Variants in TTLL5 observed in about 807,000 individuals in gnomAD.
The protein encoded by TTLL5 is tubulin tyrosine ligase like 5, also known as tubulin polyglutamylase TTLL5.
Under a neutral mutation model 168.4 loss-of-function variants are expected in TTLL5, and 132 were observed. The observed-to-expected ratio is 0.78, with a 90% confidence interval of 0.68 to 0.91. The LOEUF is 0.91. Among genes scored for constraint, TTLL5 ranks in the 40% least tolerant of loss-of-function variants. TTLL5 has a pLI of 0.00. For missense variants in TTLL5, 1,545 were observed against 1,581.5 expected, an observed-to-expected ratio of 0.98 and a Z score of 0.39; for synonymous variants, 546 against 558.6, an observed-to-expected ratio of 0.98 and a Z score of 0.32.
At chr14:75,845,984 A>G (rs915587603) in intron 28 of TTLL5, among the ~76,000 whole-genome samples, 1 of 152,208 alleles carries the variant, frequency 6.6e-6, no homozygotes, top group African/African-American at 2.4e-5. Flanking sequence ...ATGAAAAAAA[A>G]TTAGGGGCTG....
intron 20 of TTLL5, among the ~76,000 whole-genome samples, chr14:75,766,860 G>A (rs1179942052): frequency 1.3e-5 from 2 of 152,068 alleles, no homozygotes; most frequent in Admixed American, 6.6e-5. Context: ...GTGCTAGGTA[G>A]AGGCAATAAA....
chr14:75,752,986 C>T, intron 18 of TTLL5, 31 bp downstream of exon 18: 1 of 1,587,870 alleles, frequency 6.3e-7, no homozygotes, highest in Non-Finnish European at 8.6e-7. Flanking sequence ...AAATTTAGGA[C>T]TAGATCACAA....
chr14:75,742,651 C>T (rs1305067493), intron 15 of TTLL5, among the ~76,000 whole-genome samples: 2 of 152,148 alleles, frequency 1.3e-5, no homozygotes, highest in Non-Finnish European at 2.9e-5. Flanking sequence ...CCGCCTTGGC[C>T]TCCCAAAGTG....
intron 31 of TTLL5, among the ~76,000 whole-genome samples, chr14:75,935,875 C>T (rs1040896442): frequency 1.3e-5 from 2 of 152,154 alleles, no homozygotes; most frequent in African/African-American, 4.8e-5. Context: ...ATACTTTTAA[C>T]TCCATAATCT....
chr14:75,884,486 T>C (rs1300652440), intron 30 of TTLL5, among the ~76,000 whole-genome samples: 3 of 152,232 alleles, frequency 2.0e-5, no homozygotes, highest in Non-Finnish European at 4.4e-5. Flanking sequence ...GACTTTGCTT[T>C]GCAGCATTTT....
chr14:75,838,159 G>A (rs902083553), intron 28 of TTLL5: 19 of 152,140 alleles, frequency 1.2e-4, no homozygotes, highest in African/African-American at 4.6e-4. Context: ...CCTTTGCACA[G>A]AGGCTCTGGT....
intron 29 of TTLL5, among the ~76,000 whole-genome samples, chr14:75,866,030 G>A (rs2030488306): frequency 6.6e-6 from 1 of 152,170 alleles, no homozygotes; most frequent in Non-Finnish European, 1.5e-5. Context: ...TGAAGTTTCT[G>A]GGACTGTAGG....
At chr14:75,941,117 T>C (rs893896812) in intron 31 of TTLL5, among the ~76,000 whole-genome samples, 2 of 152,246 alleles carry the variant, frequency 1.3e-5, no homozygotes, top group Non-Finnish European at 2.9e-5. Context: ...CCATGAGGGC[T>C]TGGTGGTGCT....
At chr14:75,805,592 G>A (rs1159534226) in intron 27 of TTLL5, among the ~76,000 whole-genome samples, 1 of 152,130 alleles carries the variant, frequency 6.6e-6, no homozygotes, top group Non-Finnish European at 1.5e-5. Context: ...TTGAGCCTTT[G>A]CTGAGAGTCA....
At chr14:75,880,472 C>A (rs1288582435) in intron 29 of TTLL5, among the ~76,000 whole-genome samples, 1 of 152,150 alleles carries the variant, frequency 6.6e-6, no homozygotes, top group Admixed American at 6.5e-5. Context: ...CTACTACTCA[C>A]CCAGGGAATT....
Position 75,699,182 on chromosome 14 carries a change from G to C in TTLL5, c.503-6G>C. 1 of 1,611,286 alleles carries C rather than the reference G, an allele frequency of 6.2e-7. No individual in the cohort carries two copies. Among genetic ancestry groups the C allele is most frequent in the Non-Finnish European group, 8.5e-7 (1 of 1,177,834 alleles). On this transcript the variant is annotated splice_region_variant and splice_polypyrimidine_tract_variant and intron_variant, in intron 6 of 31. Coordinates refer to ENST00000298832, the MANE Select transcript of TTLL5 (RefSeq NM_015072.5). ...TCTGTTTTTTATCTCCCAATATTTT[G>C]AGCAGATTCATATTCGAAGGACCGG...
Position 75,663,224 on chromosome 14 carries a change from G to GT in TTLL5, c.74+2dup. 6.2e-7 allele frequency: 1 copy of GT among 1,611,058 alleles called. No individual in the cohort carries two copies. Among genetic ancestry groups the GT allele is most frequent in the Non-Finnish European group, 8.5e-7 (1 of 1,178,786 alleles). ...AGGATGAGGAGGTCATAAGTCAAGA[G>GT]TAAGTAATAGCAAGCCTGCTTTCAA... is the stretch of plus-strand genomic sequence containing the variant. On this transcript the variant is annotated splice_donor_variant, in intron 2 of 31. Coordinates refer to ENST00000298832, the MANE Select transcript of TTLL5 (RefSeq NM_015072.5). LOFTEE classifies it high-confidence loss of function.
At chr14:75,936,174 A>G (rs998025549) in intron 31 of TTLL5, among the ~76,000 whole-genome samples, 41 of 152,086 alleles carry the variant, frequency 2.7e-4, no homozygotes, top group African/African-American at 9.2e-4. Context: ...CATCACAACA[A>G]TCATATGAGA....
intron 29 of TTLL5, among the ~76,000 whole-genome samples, chr14:75,874,933 CTTTTTTTT>C (rs1555353208): frequency 2.1e-5 from 2 of 97,538 alleles, no homozygotes; most frequent in South Asian, 7.1e-4. Context: ...CACTGGGGGC[CTTTTTTTT>C]TTTTTTTTTT....
intron 21 of TTLL5, among the ~76,000 whole-genome samples, chr14:75,773,998 A>AGAGAGAGAGC (rs1891561214): frequency 7.3e-6 from 1 of 137,700 alleles, no homozygotes. Flanking sequence ...AGAGAGAGAG[A>AGAGAGAGAGC]GCGAGAGTAC....
intron 22 of TTLL5, 29 bp downstream of exon 22, chr14:75,775,659 T>G: frequency 6.2e-7 from 1 of 1,612,832 alleles, no homozygotes. Flanking sequence ...GTCTTGTGCT[T>G]TGGATTGCCA....
chr14:75,757,861 A>G (rs1446691099), intron 18 of TTLL5: 1 of 1,591,734 alleles, frequency 6.3e-7, no homozygotes, highest in Non-Finnish European at 8.5e-7. Context: ...TATTGACAGG[A>G]AGAACACGGT....
chr14:75,759,242 A>AAG lies in TTLL5; in HGVS notation c.1551-5373_1551-5372insAG, dbSNP rs1407187043. Among the ~76,000 whole-genome samples the AAG allele has an allele frequency of 8.5e-5, 13 of 152,310 alleles. No individual in the cohort carries two copies. The East Asian group carries it at 2.5e-3, about 29-fold the overall frequency. On this transcript the variant is annotated intron_variant, in intron 18 of 31. Coordinates refer to ENST00000298832, the MANE Select transcript of TTLL5 (RefSeq NM_015072.5). ...AAAAGGATATTAAGGCAATATTATT[A>AAG]GCAACTTTATTCCATTACTTTGACA...
At chr14:75,914,865 C>A (rs559276573) in intron 31 of TTLL5, among the ~76,000 whole-genome samples, 1 of 152,116 alleles carries the variant, frequency 6.6e-6, no homozygotes, top group Non-Finnish European at 1.5e-5. Context: ...CCTCGTGATC[C>A]GCCCACCTTG....
Sources: gnomAD v4.1 joint callset for allele counts (sites outside exome capture counted in the v4.1 genomes callset) on GRCh38, gnomAD v4.1.1 for gene constraint, MANE v1.5 for transcripts, NCBI Gene and HGNC (gene_info 2026-07-23, HGNC 2026-07-21) for gene names.